Variants in LINGO2 observed in about 807,000 individuals in gnomAD.
LINGO2 encodes the protein leucine rich repeat and Ig domain containing 2, also known as leucine-rich repeat and immunoglobulin-like domain-containing nogo receptor-interacting protein 2.
Under a neutral mutation model 30.6 loss-of-function variants are expected in LINGO2, and 14 were observed. That is an observed-to-expected ratio of 0.46 (90% CI 0.30 to 0.72). The LOEUF (loss-of-function observed/expected upper bound fraction) is 0.72, where lower values mean the gene tolerates loss of function less well. Among genes scored for constraint, LINGO2 ranks in the 30% least tolerant of loss-of-function variants. LINGO2 has a pLI of 0.07. For synonymous variants in LINGO2, 317 were observed against 288.5 expected (o/e 1.10, Z -1.00); for missense variants, 729 against 751.7 (o/e 0.97, Z 0.35).
At chr9:29,038,449 G>C in the LINGO2 span, among the ~76,000 whole-genome samples, 8 of 151,972 alleles carry the variant, frequency 5.3e-5, no homozygotes, top group Non-Finnish European at 1.2e-4. Flanking sequence ...TAATGACTGA[G>C]TAAGTTTCCA....
the LINGO2 span, among the ~76,000 whole-genome samples, chr9:29,013,989 T>C: frequency 6.6e-6 from 1 of 152,174 alleles, no homozygotes; most frequent in Non-Finnish European, 1.5e-5. Context: ...CATTCTTTTT[T>C]TGGTTCTTTC....
chr9:28,515,926 T>C (rs1407280068), intron 1 of LINGO2, among the ~76,000 whole-genome samples: 1 of 152,182 alleles, frequency 6.6e-6, no homozygotes, highest in Admixed American at 6.5e-5. Flanking sequence ...TGTCTTATTT[T>C]AAAGAAATTG....
chr9:28,645,443 G>A (rs577302223), intron 1 of LINGO2, among the ~76,000 whole-genome samples: 17 of 152,228 alleles, frequency 1.1e-4, no homozygotes, highest in Non-Finnish European at 1.8e-4. Context: ...GTCCACCTGC[G>A]GAACTGTTTC....
intron 1 of LINGO2, among the ~76,000 whole-genome samples, chr9:28,668,834 G>A (rs1437566471): frequency 1.3e-5 from 2 of 152,018 alleles, no homozygotes; most frequent in Non-Finnish European, 2.9e-5. Flanking sequence ...CCCTATAAAT[G>A]ACAGGCAGTT....
At chr9:28,528,872 C>T (rs1821125595) in intron 1 of LINGO2, among the ~76,000 whole-genome samples, 1 of 151,858 alleles carries the variant, frequency 6.6e-6, no homozygotes, top group Admixed American at 6.6e-5. Context: ...TTAGTTTTGT[C>T]ATAAAAAATC....
At chr9:29,069,873 T>A in the LINGO2 span, among the ~76,000 whole-genome samples, 1 of 152,028 alleles carries the variant, frequency 6.6e-6, no homozygotes, top group Admixed American at 6.6e-5. Context: ...TCAATGAACA[T>A]CAAAATACTC....
intron 4 of LINGO2, among the ~76,000 whole-genome samples, chr9:28,162,859 T>C (rs796785257): frequency 1.5e-4 from 23 of 152,156 alleles, no homozygotes; most frequent in African/African-American, 5.3e-4. Context: ...ATAGTGAAGA[T>C]TGATGTAGAG....
the LINGO2 span, among the ~76,000 whole-genome samples, chr9:28,702,599 T>C: frequency 1.3e-5 from 2 of 151,964 alleles, no homozygotes; most frequent in Admixed American, 6.6e-5. Flanking sequence ...ACTTTGTTTT[T>C]CTTGTAATGG....
At chr9:27,998,877 C>T (rs1273584374) in intron 5 of LINGO2, among the ~76,000 whole-genome samples, 1 of 152,078 alleles carries the variant, frequency 6.6e-6, no homozygotes, top group African/African-American at 2.4e-5. Context: ...GAAGAGTAAA[C>T]TATTATTATG....
intron 2 of LINGO2, among the ~76,000 whole-genome samples, chr9:28,436,602 T>C (rs896783716): frequency 4.6e-5 from 7 of 151,904 alleles, no homozygotes; most frequent in South Asian, 2.1e-4. Context: ...GTACTACAGG[T>C]GCCCGCCACC....
the LINGO2 span, among the ~76,000 whole-genome samples, chr9:28,688,162 T>G: frequency 6.6e-6 from 1 of 152,298 alleles, no homozygotes; most frequent in East Asian, 1.9e-4. Flanking sequence ...GTAAACACTG[T>G]AAGGCAGAAA....
At chr9:27,941,261 CCT>C in the LINGO2 span, 1 of 152,120 alleles carries the variant, frequency 6.6e-6, no homozygotes, top group Non-Finnish European at 1.5e-5. Flanking sequence ...ATGGTGAAAC[CCT>C]GTCTCTACTA....
At chr9:29,194,953 C>T in the LINGO2 span, among the ~76,000 whole-genome samples, 1 of 152,102 alleles carries the variant, frequency 6.6e-6, no homozygotes, top group African/African-American at 2.4e-5. Flanking sequence ...CATGTATCTG[C>T]CATCTACCAT....
chr9:28,761,090 C>T, the LINGO2 span, among the ~76,000 whole-genome samples: 2 of 151,542 alleles, frequency 1.3e-5, no homozygotes, highest in Admixed American at 6.6e-5. Flanking sequence ...GTATCTTTTT[C>T]GAATAATGAC....
intron 5 of LINGO2, among the ~76,000 whole-genome samples, chr9:27,954,519 C>T (rs919066246): frequency 6.6e-6 from 1 of 152,158 alleles, no homozygotes; most frequent in African/African-American, 2.4e-5. Flanking sequence ...CTGCAAACAA[C>T]ACTTTATACT....
chr9:28,178,652 A>G (rs1310218912), intron 4 of LINGO2, among the ~76,000 whole-genome samples: 3 of 152,158 alleles, frequency 2.0e-5, no homozygotes, highest in Non-Finnish European at 4.4e-5. Flanking sequence ...TGACACTGAA[A>G]GTTACGGTTT....
intron 4 of LINGO2, among the ~76,000 whole-genome samples, chr9:28,215,515 TA>T (rs1309794101): frequency 1.3e-5 from 2 of 151,854 alleles, no homozygotes; most frequent in Non-Finnish European, 2.9e-5. Flanking sequence ...TTGTGGTGCT[TA>T]AATCACATTT....
the LINGO2 span, among the ~76,000 whole-genome samples, chr9:28,676,524 A>C: frequency 3.9e-5 from 6 of 152,204 alleles, no homozygotes. Context: ...TATAGAATGC[A>C]TACAGCCTGT....
chr9:29,052,981 A>G, the LINGO2 span, among the ~76,000 whole-genome samples: 1 of 152,264 alleles, frequency 6.6e-6, no homozygotes, highest in East Asian at 1.9e-4. Flanking sequence ...CAAAAAGTTA[A>G]TTATTTCTGA....
Sources: allele counts gnomAD v4.1 joint callset (sites outside exome capture counted in the v4.1 genomes callset), GRCh38; gene constraint gnomAD v4.1.1; transcripts MANE v1.5; gene names NCBI Gene and HGNC (gene_info 2026-07-23, HGNC 2026-07-21).